Variants in PDE1A observed in about 807,000 individuals in gnomAD.
PDE1A encodes the protein phosphodiesterase 1A.
A neutral mutation model predicts 61.7 loss-of-function variants in PDE1A; 35 were observed. The ratio of observed to expected loss-of-function variants is 0.57; its 90% confidence interval spans 0.43 to 0.75. The LOEUF is 0.75. Among genes scored for constraint, PDE1A ranks in the 30% least tolerant of loss-of-function variants. The pLI, the probability that PDE1A is intolerant of heterozygous loss-of-function variation, is 0.00. For synonymous variants in PDE1A, 232 were observed against 213.2 expected, an observed-to-expected ratio of 1.09 and a Z score of -0.77; for missense variants, 597 against 630.6, an observed-to-expected ratio of 0.95 and a Z score of 0.57.
chr2:182,628,775 ATTGT>A, the PDE1A span, among the ~76,000 whole-genome samples: 13 of 151,930 alleles, frequency 8.6e-5, no homozygotes, highest in African/African-American at 1.7e-4. Context: ...TATTGTTTTC[ATTGT>A]TTGCTTGGCC....
At chr2:182,582,156 A>G in the PDE1A span, among the ~76,000 whole-genome samples, 4 of 152,186 alleles carry the variant, frequency 2.6e-5, no homozygotes, top group Non-Finnish European at 5.9e-5. Flanking sequence ...CTGGCTTTAA[A>G]TGCAAAGGTG....
At chr2:182,157,014 A>ATTATT (rs1559121578) in intron 13 of PDE1A, among the ~76,000 whole-genome samples, 1 of 82,000 alleles carries the variant, frequency 1.2e-5, no homozygotes. Flanking sequence ...ATTTTATTTT[A>ATTATT]TTTTATTTTT....
At chr2:182,713,712 C>T in the PDE1A span, among the ~76,000 whole-genome samples, 1 of 152,176 alleles carries the variant, frequency 6.6e-6, no homozygotes, top group African/African-American at 2.4e-5. Context: ...CCTCTCATAT[C>T]TGTGGCCTCT....
chr2:182,541,255 G>A, the PDE1A span, among the ~76,000 whole-genome samples: 7 of 152,162 alleles, frequency 4.6e-5, no homozygotes, highest in Admixed American at 2.0e-4. Context: ...AATCAGTGCT[G>A]GATTTGGATT....
chr2:182,706,166 T>C, the PDE1A span, among the ~76,000 whole-genome samples: 9 of 152,122 alleles, frequency 5.9e-5, no homozygotes, highest in African/African-American at 1.9e-4. Context: ...GAAACAGTGG[T>C]TCAGTGTCTT....
At chr2:182,555,778 C>T in the PDE1A span, among the ~76,000 whole-genome samples, 2 of 151,734 alleles carry the variant, frequency 1.3e-5, no homozygotes, top group African/African-American at 2.4e-5. Context: ...CCAGCCTGGC[C>T]GACATGATGA....
At chr2:182,193,091 G>A (rs1043461066) in intron 10 of PDE1A, among the ~76,000 whole-genome samples, 102 of 152,022 alleles carry the variant, frequency 6.7e-4, no homozygotes, top group Admixed American at 6.6e-3. Flanking sequence ...GGGTTCAAGC[G>A]ATTCTCCTGC....
chr2:182,618,545 AT>A, the PDE1A span, among the ~76,000 whole-genome samples: 2 of 151,162 alleles, frequency 1.3e-5, no homozygotes, highest in African/African-American at 4.8e-5. Context: ...ACTAAGAATC[AT>A]TGTTGAGCTT....
At chr2:182,615,911 C>A in the PDE1A span, among the ~76,000 whole-genome samples, 1 of 152,190 alleles carries the variant, frequency 6.6e-6, no homozygotes, top group South Asian at 2.1e-4. Flanking sequence ...GGGTGGAGCC[C>A]TCAAGACCCA....
chr2:182,712,846 G>A, the PDE1A span, among the ~76,000 whole-genome samples: 3 of 152,086 alleles, frequency 2.0e-5, no homozygotes, highest in Admixed American at 1.3e-4. Context: ...ATGAGCCACC[G>A]CGCCTGGCTC....
At chr2:182,696,499 C>A in the PDE1A span, among the ~76,000 whole-genome samples, 3 of 151,998 alleles carry the variant, frequency 2.0e-5, no homozygotes, top group African/African-American at 7.3e-5. Context: ...AGGCAGAGTG[C>A]GGAGGATGTT....
At chr2:182,273,378 C>T (rs1044730284) in intron 1 of PDE1A, among the ~76,000 whole-genome samples, 2 of 151,776 alleles carry the variant, frequency 1.3e-5, no homozygotes, top group Admixed American at 6.6e-5. Context: ...AGGTATGAAG[C>T]ATCCAAAGTT....
intron 1 of PDE1A, among the ~76,000 whole-genome samples, chr2:182,370,915 G>T (rs548211163): frequency 1.0e-3 from 158 of 151,926 alleles, no homozygotes; most frequent in African/African-American, 3.6e-3. Context: ...CAAAGACCCA[G>T]AAAAAAAGAA....
intron 1 of PDE1A, among the ~76,000 whole-genome samples, chr2:182,424,884 C>T (rs6750552): frequency 0.73 from 110,784 of 152,082 alleles, 40,712 homozygotes; most frequent in East Asian, 0.96. Flanking sequence ...CTTGTAACAA[C>T]TCCCTGGTGA....
chr2:182,417,266 T>C (rs904598243), intron 1 of PDE1A, among the ~76,000 whole-genome samples: 7 of 152,230 alleles, frequency 4.6e-5, no homozygotes, highest in African/African-American at 1.7e-4. Context: ...CAGAATCCTA[T>C]TCACCCTTCA....
At chr2:182,686,909 T>TGGCTTGGAGGGTCCCAC in the PDE1A span, among the ~76,000 whole-genome samples, 1 of 152,100 alleles carries the variant, frequency 6.6e-6, no homozygotes, top group African/African-American at 2.4e-5. Flanking sequence ...GAGGGTCCCA[T>TGGCTTGGAGGGTCCCAC]GCCCATGGAG....
chr2:182,301,495 A>T (rs1419315540), intron 1 of PDE1A, among the ~76,000 whole-genome samples: 2 of 152,196 alleles, frequency 1.3e-5, no homozygotes, highest in Non-Finnish European at 2.9e-5. Flanking sequence ...TAAAAGACAC[A>T]CTTGATTTCC....
At chr2:182,357,828 G>T (rs932617847) in intron 1 of PDE1A, among the ~76,000 whole-genome samples, 1 of 152,178 alleles carries the variant, frequency 6.6e-6, no homozygotes, top group African/African-American at 2.4e-5. Context: ...GCCTTTCAAA[G>T]GCAGCTCCAC....
chr2:182,165,722 T>C (rs1691621338), downstream of PDE1A, among the ~76,000 whole-genome samples: 1 of 152,188 alleles, frequency 6.6e-6, no homozygotes, highest in African/African-American at 2.4e-5. Context: ...AGAAGACATG[T>C]ATAAATACCA....
Sources: gnomAD v4.1 joint callset for allele counts (sites outside exome capture counted in the v4.1 genomes callset) on GRCh38, gnomAD v4.1.1 for gene constraint, MANE v1.5 for transcripts, NCBI Gene and HGNC (gene_info 2026-07-23, HGNC 2026-07-21) for gene names.